Variants in GLIS3 observed in about 807,000 individuals in gnomAD.
GLIS3 encodes GLIS family zinc finger 3.
GLIS3 carries 53 observed loss-of-function variants against 78.6 expected under a neutral mutation model. That is an observed-to-expected ratio of 0.67 (90% CI 0.54 to 0.85). The LOEUF is 0.85. GLIS3 is among the 40% of genes least tolerant of loss of function. GLIS3 has a pLI of 0.00. For synonymous variants in GLIS3, 684 were observed against 509.9 expected (o/e 1.34, Z -4.60); for missense variants, 1,703 against 1,231.1 (o/e 1.38, Z -5.74).
the GLIS3 span, among the ~76,000 whole-genome samples, chr9:4,430,393 T>G: frequency 1.3e-5 from 2 of 152,238 alleles, no homozygotes; most frequent in Non-Finnish European, 2.9e-5. Context: ...TGATACCATT[T>G]TGCAGCTCCC....
intron 4 of GLIS3, among the ~76,000 whole-genome samples, chr9:4,065,673 CA>C (rs1827036816): frequency 6.6e-6 from 1 of 152,144 alleles, no homozygotes; most frequent in African/African-American, 2.4e-5. Context: ...TCTAAATCCA[CA>C]AAGCAGTGTT....
chr9:4,334,239 C>A (rs1473826510), intron 2 of GLIS3, among the ~76,000 whole-genome samples: 1 of 152,214 alleles, frequency 6.6e-6, no homozygotes, highest in East Asian at 1.9e-4. Context: ...AAATTCCAGG[C>A]AGGTTCTAAA....
rs543535230 is a variant in GLIS3 at position 4,185,205 on chromosome 9, G to C, written c.389-59264C>G. Among the ~76,000 whole-genome samples the C allele has an allele frequency of 3.3e-5, 5 of 152,294 alleles. No individual in the cohort carries two copies. In the East Asian group the frequency reaches 7.7e-4, roughly 24 times the overall value. ...GTACCAACGCAAAATGCAAATCACA[G>C]TCTGTGGTCTTTTGTGCCTGGTTTC... is the stretch of plus-strand genomic sequence containing the variant. On this transcript the variant is annotated intron_variant, in intron 2 of 10. Transcript: ENST00000381971.
chr9:4,467,313 G>C, the GLIS3 span, among the ~76,000 whole-genome samples: 5 of 152,324 alleles, frequency 3.3e-5, no homozygotes, highest in Admixed American at 2.6e-4. Flanking sequence ...TTTGAGATCT[G>C]AGAACGGACA....
intron 4 of GLIS3, among the ~76,000 whole-genome samples, chr9:4,111,632 TG>T (rs1406246521): frequency 8.5e-5 from 13 of 152,254 alleles, no homozygotes; most frequent in Non-Finnish European, 1.5e-4. Flanking sequence ...CTAAGGGATT[TG>T]TAATTTATGG....
chr9:4,157,462 C>G (rs947028966), intron 2 of GLIS3, among the ~76,000 whole-genome samples: 5 of 152,110 alleles, frequency 3.3e-5, no homozygotes, highest in Non-Finnish European at 7.3e-5. Flanking sequence ...CATCCTTGGT[C>G]TCTCTTTGGG....
At position 3,862,018 on chromosome 9, in the gene GLIS3, T is replaced by C. The variant is rs149799416; in HGVS notation, c.2298-5834A>G. Among the ~76,000 whole-genome samples the C allele has an allele frequency of 3.5e-4, 53 of 152,342 alleles. 1 individual carries two copies. Among genetic ancestry groups the C allele is most frequent in the Admixed American group, 3.1e-3 (48 of 15,304 alleles). ...ATTTTCTAGTTCTAGAAGTAGTTAA[T>C]GTTGGTCTTGTGTATAGGTCTCATA... On this transcript the variant is annotated intron_variant, in intron 8 of 10. Transcript: ENST00000381971.
chr9:4,125,966 C>G (rs2130914203), intron 2 of GLIS3, 25 bp from the exon 3 acceptor site: 2 of 1,559,532 alleles, frequency 1.3e-6, no homozygotes, highest in Non-Finnish European at 8.8e-7. Context: ...ATCAGGTTAG[C>G]TTTCATGTCC....
chr9:4,149,459 A>G (rs2131029931), intron 2 of GLIS3, among the ~76,000 whole-genome samples: 1 of 152,388 alleles, frequency 6.6e-6, no homozygotes, highest in East Asian at 1.9e-4. Context: ...TCCTAGATGG[A>G]GAGAACACAG....
chr9:4,360,112 C>T, the GLIS3 span, among the ~76,000 whole-genome samples: 1 of 151,798 alleles, frequency 6.6e-6, no homozygotes, highest in African/African-American at 2.4e-5. Flanking sequence ...GCTGTTTTTA[C>T]TCAATGAGGG....
chr9:4,207,259 T>G (rs1203960421), intron 2 of GLIS3, among the ~76,000 whole-genome samples: 1 of 152,122 alleles, frequency 6.6e-6, no homozygotes, highest in Admixed American at 6.5e-5. Flanking sequence ...AGAGGGAAGG[T>G]GGACTCTGCC....
At chr9:3,939,986 C>T (rs1425502881) in intron 4 of GLIS3, among the ~76,000 whole-genome samples, 1 of 152,004 alleles carries the variant, frequency 6.6e-6, no homozygotes, top group Non-Finnish European at 1.5e-5. Flanking sequence ...ACAATTCTGC[C>T]GAAAGAGAAA....
intron 9 of GLIS3, among the ~76,000 whole-genome samples, chr9:3,840,681 G>T (rs1818657477): frequency 6.6e-6 from 1 of 152,220 alleles, no homozygotes; most frequent in East Asian, 1.9e-4. Flanking sequence ...GACCACTGGA[G>T]CAACCGCCTG....
chr9:4,355,972 G>A, the GLIS3 span, among the ~76,000 whole-genome samples: 5 of 152,100 alleles, frequency 3.3e-5, no homozygotes, highest in African/African-American at 9.7e-5. Context: ...TATCAACTGG[G>A]CACTTCAGTT....
At chr9:4,008,349 T>A (rs1290943564) in intron 4 of GLIS3, among the ~76,000 whole-genome samples, 2 of 152,136 alleles carry the variant, frequency 1.3e-5, no homozygotes. Flanking sequence ...CAGCCCCCAG[T>A]AAGAACACTG....
At chr9:3,833,478 A>G (rs1253814370) in intron 9 of GLIS3, among the ~76,000 whole-genome samples, 1 of 152,160 alleles carries the variant, frequency 6.6e-6, no homozygotes, top group East Asian at 1.9e-4. Flanking sequence ...AAATAACACT[A>G]CTTCTCGGAC....
chr9:3,849,103 ATC>A (rs1300540384), intron 9 of GLIS3, among the ~76,000 whole-genome samples: 1 of 152,198 alleles, frequency 6.6e-6, no homozygotes, highest in Admixed American at 6.5e-5. Context: ...GATGACAGAA[ATC>A]TCTGTGTTGG....
At chr9:4,256,296 A>T (rs968896196) in intron 2 of GLIS3, among the ~76,000 whole-genome samples, 3 of 152,220 alleles carry the variant, frequency 2.0e-5, no homozygotes, top group Non-Finnish European at 4.4e-5. Flanking sequence ...AGCAAATTAA[A>T]TTAGTGATGG....
chr9:3,828,310 A>G lies in GLIS3; in HGVS notation c.2755T>C (p.Cys919Arg), dbSNP rs1817835690. The change falls in exon 11 of 11, where the codon TGT (cysteine) becomes CGT (arginine). Residue 919 changes from cysteine (C) to arginine (R), a missense_variant. By Grantham distance (180) the Cys-to-Arg change is radical. Coordinates refer to ENST00000381971, the MANE Select transcript of GLIS3 (RefSeq NM_001042413.2). ...TFLQISTVDR[C>R]PSQLSSVYTE... ...TAGACAGAGGAGAGCTGGCTAGGACAGCGGTCCACGGTGCTGATCTGCAAG... is the reference window on the plus strand; with the variant it reads ...TAGACAGAGGAGAGCTGGCTAGGACGGCGGTCCACGGTGCTGATCTGCAAG... 3 of 1,613,542 alleles carry G rather than the reference A, an allele frequency of 1.9e-6. No individual in the cohort carries two copies. Among genetic ancestry groups the G allele is most frequent in the East Asian group, 4.5e-5 (2 of 44,878 alleles).
Sources: allele counts gnomAD v4.1 joint callset (sites outside exome capture counted in the v4.1 genomes callset), GRCh38; gene constraint gnomAD v4.1.1; transcripts MANE v1.5; gene names NCBI Gene and HGNC (gene_info 2026-07-23, HGNC 2026-07-21).